The following NTNG1 variants were observed in gnomAD, a reference collection of about 807,000 sequenced individuals.
NTNG1 encodes the protein netrin G1, also known as netrin-G1.
NTNG1 carries 16 observed loss-of-function variants against 54.0 expected under a neutral mutation model. The ratio of observed to expected loss-of-function variants is 0.30; its 90% CI spans 0.20 to 0.45. The LOEUF (loss-of-function observed/expected upper bound fraction) is 0.45. NTNG1 is among the 20% of genes least tolerant of loss of function. NTNG1 has a pLI of 1.00. For missense variants in NTNG1, 530 were observed against 678.7 expected (o/e 0.78, Z 2.43); for synonymous variants, 255 against 263.1 (o/e 0.97, Z 0.30).
At chr1:107,158,963 T>G (rs1655206300) in intron 2 of NTNG1, among the ~76,000 whole-genome samples, 1 of 152,162 alleles carries the variant, frequency 6.6e-6, no homozygotes, top group Non-Finnish European at 1.5e-5. Flanking sequence ...GTAGGTCATA[T>G]GAAGGTTATA....
At chr1:107,410,264 C>G (rs1267590512) in intron 5 of NTNG1, 1 of 152,098 alleles carries the variant, frequency 6.6e-6, no homozygotes, top group East Asian at 1.9e-4. Context: ...CATACATATT[C>G]TGTATACACA....
intron 3 of NTNG1, among the ~76,000 whole-genome samples, chr1:107,375,229 C>A (rs1453169182): frequency 6.6e-6 from 1 of 152,222 alleles, no homozygotes; most frequent in Non-Finnish European, 1.5e-5. Context: ...GTCCCCTGAA[C>A]TCACCTCAAC....
intron 2 of NTNG1, among the ~76,000 whole-genome samples, chr1:107,248,574 T>C (rs1662354826): frequency 6.6e-6 from 1 of 152,208 alleles, no homozygotes; most frequent in African/African-American, 2.4e-5. Flanking sequence ...GCATTTTTCA[T>C]TGCTTTTGGC....
At chr1:107,268,212 C>T (rs1156763236) in intron 2 of NTNG1, among the ~76,000 whole-genome samples, 2 of 152,148 alleles carry the variant, frequency 1.3e-5, no homozygotes, top group Non-Finnish European at 2.9e-5. Flanking sequence ...TACAACAAAA[C>T]TCCTGGAAAG....
intron 7 of NTNG1, among the ~76,000 whole-genome samples, chr1:107,439,557 A>T (rs183470237): frequency 1.3e-5 from 2 of 152,274 alleles, no homozygotes; most frequent in South Asian, 2.1e-4. Flanking sequence ...ATTAGATTTG[A>T]TATATAAATT....
chr1:107,160,398 C>T (rs1215922313), intron 2 of NTNG1, among the ~76,000 whole-genome samples: 2 of 152,212 alleles, frequency 1.3e-5, no homozygotes, highest in African/African-American at 4.8e-5. Flanking sequence ...TTCTCCACTG[C>T]CAACAGCCAG....
At chr1:107,385,347 T>C (rs1671896868) in intron 3 of NTNG1, among the ~76,000 whole-genome samples, 2 of 152,130 alleles carry the variant, frequency 1.3e-5, no homozygotes, top group African/African-American at 4.8e-5. Flanking sequence ...GTGGTCCTGG[T>C]CTCTGCCATA....
At chr1:107,401,825 T>G (rs1432298339) in intron 4 of NTNG1, among the ~76,000 whole-genome samples, 1 of 152,092 alleles carries the variant, frequency 6.6e-6, no homozygotes, top group East Asian at 1.9e-4. Flanking sequence ...CCCAACAGAC[T>G]GAGATGATCT....
chr1:107,380,524 G>A (rs952006974), intron 3 of NTNG1, among the ~76,000 whole-genome samples: 4 of 152,162 alleles, frequency 2.6e-5, no homozygotes, highest in Admixed American at 2.0e-4. Context: ...TATAAATGAA[G>A]TAAAACACCA....
chr1:107,198,740 G>T (rs549035793), intron 2 of NTNG1, among the ~76,000 whole-genome samples: 1 of 151,792 alleles, frequency 6.6e-6, no homozygotes, highest in Non-Finnish European at 1.5e-5. Context: ...TTCTCATTAT[G>T]TAAAATGAGA....
chr1:107,453,688 A>G (rs989364312), intron 7 of NTNG1, among the ~76,000 whole-genome samples: 2 of 152,248 alleles, frequency 1.3e-5, no homozygotes, highest in Non-Finnish European at 2.9e-5. Context: ...GAAGTGGGCT[A>G]GACTCTTACA....
chr1:107,383,884 C>T (rs982779301), intron 3 of NTNG1, among the ~76,000 whole-genome samples: 52 of 152,212 alleles, frequency 3.4e-4, no homozygotes, highest in African/African-American at 1.2e-3. Context: ...CACACCTGTG[C>T]ATATATTAAG....
At chr1:107,379,478 A>G (rs1362730911) in intron 3 of NTNG1, among the ~76,000 whole-genome samples, 1 of 152,206 alleles carries the variant, frequency 6.6e-6, no homozygotes. Context: ...TAAAAACATG[A>G]ATGGTATTAG....
chr1:107,203,389 C>A (rs560455235), intron 2 of NTNG1, among the ~76,000 whole-genome samples: 1 of 151,660 alleles, frequency 6.6e-6, no homozygotes, highest in East Asian at 1.9e-4. Flanking sequence ...TGACAGTTTT[C>A]TTTCCATTTT....
Position 107,225,696 on chromosome 1 carries a change from T to C in NTNG1, c.246+76857T>C, listed in dbSNP as rs1337711767. Among the ~76,000 whole-genome samples, 20 of 152,312 alleles carry C rather than the reference T, an allele frequency of 1.3e-4. No homozygotes were observed. The East Asian group carries it at 3.7e-3, about 28-fold the overall frequency. ...TATTTTTCTATGTGCGAATGTGGCG[T>C]CAATATGTATTCAGGCAGACAACAA... is the stretch of plus-strand genomic sequence containing the variant. On this transcript the variant is annotated intron_variant, in intron 2 of 7. Coordinates refer to ENST00000370068, the MANE Select transcript of NTNG1 (RefSeq NM_001113226.3).
chr1:107,385,483 C>T (rs550545693), intron 3 of NTNG1, among the ~76,000 whole-genome samples: 2 of 152,102 alleles, frequency 1.3e-5, no homozygotes, highest in Non-Finnish European at 2.9e-5. Context: ...CTGCTAATAC[C>T]CCATCGGTCA....
intron 2 of NTNG1, among the ~76,000 whole-genome samples, chr1:107,175,049 TATA>T (rs1325186596): frequency 2.0e-5 from 3 of 152,172 alleles, no homozygotes; most frequent in South Asian, 2.1e-4. Context: ...AAGCAGCAAT[TATA>T]ATATCTTCAA....
At chr1:107,176,910 C>T (rs995132533) in intron 2 of NTNG1, among the ~76,000 whole-genome samples, 3 of 152,148 alleles carry the variant, frequency 2.0e-5, no homozygotes, top group Admixed American at 1.3e-4. Context: ...TTATAGGTGG[C>T]TATCCTGTAT....
chr1:107,359,098 C>T (rs1670112010), intron 3 of NTNG1, among the ~76,000 whole-genome samples: 1 of 152,134 alleles, frequency 6.6e-6, no homozygotes, highest in African/African-American at 2.4e-5. Flanking sequence ...CTCCTAGATG[C>T]CAGTAGAGCT....
Sources: allele counts gnomAD v4.1 joint callset (sites outside exome capture counted in the v4.1 genomes callset), GRCh38; gene constraint gnomAD v4.1.1; transcripts MANE v1.5; gene names NCBI Gene and HGNC (gene_info 2026-07-23, HGNC 2026-07-21).